Variants in PPFIA1 observed in about 807,000 individuals in gnomAD.
The protein encoded by PPFIA1 is PPFI scaffold protein A1.
A neutral mutation model predicts 149.9 loss-of-function variants in PPFIA1; 25 were observed. That is an observed-to-expected ratio of 0.17 (90% confidence interval 0.12 to 0.23). The LOEUF (loss-of-function observed/expected upper bound fraction) is 0.23. Among genes scored for constraint, PPFIA1 ranks in the 10% least tolerant of loss-of-function variants. The pLI is 1.00. For missense variants in PPFIA1, 1,362 were observed against 1,506.5 expected (o/e 0.90, Z 1.59); for synonymous variants, 549 against 552.8 (o/e 0.99, Z 0.10).
In PPFIA1 at chr11:70,348,407, G is replaced by T; in HGVS notation, c.2150G>T (p.Gly717Val). The change falls in exon 16 of 28, where the codon GGC (glycine) becomes GTC (valine). Residue 717 changes from glycine to valine, a missense_variant. By Grantham distance (109) the Gly-to-Val change is moderately radical (BLOSUM62 -3). Coordinates refer to ENST00000253925, the MANE Select transcript of PPFIA1 (RefSeq NM_003626.5). Reference sequence around the variant, plus strand: ...CCAGCTCGGGAAGTGGACAGACTGGGCGTCATGACCCTTGTACGTATCCGC... The same window carrying T: ...CCAGCTCGGGAAGTGGACAGACTGGTCGTCATGACCCTTGTACGTATCCGC... ...HSPAREVDRLGVMTLLPPSRE... is the reference protein window; with the variant it reads ...HSPAREVDRLVVMTLLPPSRE... The T allele has an allele frequency of 6.2e-7, 1 of 1,609,944 alleles. No homozygotes were observed. Among genetic ancestry groups the T allele is most frequent in the Non-Finnish European group, 8.5e-7 (1 of 1,176,208 alleles).
intron 2 of PPFIA1, among the ~76,000 whole-genome samples, chr11:70,312,527 TC>T (rs1255264769): frequency 2.6e-4 from 39 of 152,064 alleles, no homozygotes; most frequent in African/African-American, 8.7e-4. Context: ...ACTTCCTGGT[TC>T]CCCCTACAGG....
At chr11:70,319,045 A>G (rs2053789316) in intron 2 of PPFIA1, among the ~76,000 whole-genome samples, 1 of 152,256 alleles carries the variant, frequency 6.6e-6, no homozygotes, top group Non-Finnish European at 1.5e-5. Context: ...CAACTGTCTA[A>G]TAACCATTTC....
chr11:70,303,051 G>A (rs1432354995), intron 2 of PPFIA1, among the ~76,000 whole-genome samples: 1 of 152,174 alleles, frequency 6.6e-6, no homozygotes, highest in Admixed American at 6.5e-5. Flanking sequence ...AAGGAAAGTG[G>A]CAGCCCAGTT....
At chr11:70,272,059 T>G (rs984049467) in intron 1 of PPFIA1, 114 bp from the exon 2 acceptor site, 1 of 1,167,406 alleles carries the variant, frequency 8.6e-7, no homozygotes, top group African/African-American at 1.6e-5. Flanking sequence ...GCATAACAGA[T>G]CTGAGCATAA....
chr11:70,373,887 C>T (rs1362192153), intron 23 of PPFIA1: 1 of 152,098 alleles, frequency 6.6e-6, no homozygotes. Flanking sequence ...TATGTATGGA[C>T]TTTTATCCAG....
chr11:70,348,228 A>G lies in PPFIA1; in HGVS notation c.1971A>G (p.Ala657=), dbSNP rs150848472. Residue 657 remains alanine, a synonymous_variant, in exon 16 of 28, where the codon GCA becomes GCG. Transcript: ENST00000253925. The part of the protein sequence containing the change: ...QEEKENTEQR[A]EEIESRVGSG... The stretch of plus-strand genomic sequence containing the variant: ...AAAAAGAAAATACAGAGCAGCGGGC[A>G]GAGGAGATTGAAAGTCGAGTTGGCA... 3,347 of 1,614,224 alleles carry G rather than the reference A, an allele frequency of 2.1e-3. 18 individuals are homozygous for G. Among genetic ancestry groups the G allele is most frequent in the Middle Eastern group, 0.011 (68 of 6,062 alleles).
At chr11:70,273,022 A>G (rs2050182379) in intron 2 of PPFIA1, among the ~76,000 whole-genome samples, 1 of 152,252 alleles carries the variant, frequency 6.6e-6, no homozygotes, top group East Asian at 1.9e-4. Flanking sequence ...TCATGCCTGT[A>G]ATCCCAGCAC....
Position 70,343,802 on chromosome 11 carries a change from T to C in PPFIA1, c.1841T>C (p.Val614Ala). 1 of 1,614,208 alleles carries C rather than the reference T, an allele frequency of 6.2e-7. No individual in the cohort carries two copies. The highest frequency in any genetic ancestry group is 2.2e-5 in the East Asian group (1 of 44,874). The change falls in exon 15 of 28, where the codon GTT (valine) becomes GCT (alanine). Residue 614 changes from valine to alanine, a missense_variant. Coordinates refer to ENST00000253925, the MANE Select transcript of PPFIA1 (RefSeq NM_003626.5). ...EDDRDTLLSS[V>A]DLLSPSGQAD... ...GACAGGGACACTCTCCTCAGCTCAG[T>C]TGACCTGCTATCGCCCAGCGGGCAG...
rs566717525 is a variant in PPFIA1, at chr11:70,306,319, T to C, written c.265-18083T>C. Among the ~76,000 whole-genome samples the C allele has an allele frequency of 5.9e-5, 9 of 152,326 alleles. No homozygotes were observed. In the East Asian group the frequency reaches 1.3e-3, roughly 23 times the overall value. On this transcript the variant is annotated intron_variant, in intron 2 of 27. Transcript: ENST00000253925. ...AACATTGATTAAATACACTGTAATT[T>C]ATAACATTAAAAACATTGATAGTTA...
chr11:70,298,893 TAC>T (rs1274783611), intron 2 of PPFIA1, among the ~76,000 whole-genome samples: 2 of 152,222 alleles, frequency 1.3e-5, no homozygotes, highest in African/African-American at 4.8e-5. Context: ...AGTGTCTAGA[TAC>T]AGTTATTCTG....
intron 2 of PPFIA1, chr11:70,279,143 A>G: frequency 1.8e-6 from 1 of 548,566 alleles, no homozygotes; most frequent in Non-Finnish European, 3.4e-6. Context: ...TGCTATTCAC[A>G]GCGGCAGTCG....
intron 11 of PPFIA1, 40 bp from the exon 12 acceptor site, chr11:70,337,325 A>G: frequency 7.1e-7 from 1 of 1,412,186 alleles, no homozygotes; most frequent in Non-Finnish European, 9.7e-7. Context: ...TAAATGGGAC[A>G]TTTTAAAGAA....
intron 2 of PPFIA1, among the ~76,000 whole-genome samples, chr11:70,286,531 G>T (rs1213375131): frequency 6.6e-6 from 1 of 152,074 alleles, no homozygotes; most frequent in South Asian, 2.1e-4. Flanking sequence ...GATTACAGGC[G>T]TGAGCCACTG....
intron 17 of PPFIA1, among the ~76,000 whole-genome samples, 163 bp from the exon 18 acceptor site, chr11:70,355,476 C>T (rs111903199): frequency 6.6e-6 from 1 of 152,138 alleles, no homozygotes; most frequent in African/African-American, 2.4e-5. Context: ...AATGGGTCTC[C>T]GCGCTGGCCT....
chr11:70,355,528 G>A lies in PPFIA1; in HGVS notation c.2316-111G>A. On this transcript the variant is annotated intron_variant, in intron 17 of 27. Coordinates refer to ENST00000253925, the MANE Select transcript of PPFIA1 (RefSeq NM_003626.5). ...TTATCATGCATGATGCACTTGGTGA[G>A]GAAGATGTGTGTGAAAGAGACTGGA... is the stretch of plus-strand genomic sequence containing the variant. 5.7e-6 allele frequency: 6 copies of A among 1,047,254 alleles called. No individual in the cohort carries two copies. The South Asian group carries it at 6.8e-5, about 12-fold the overall frequency. The allele number at this position is 1,047,254 out of a possible 1,614,324, so 64.9% of individuals were successfully genotyped here.
At chr11:70,346,226 G>C (rs1010375760) in intron 15 of PPFIA1, among the ~76,000 whole-genome samples, 4 of 152,142 alleles carry the variant, frequency 2.6e-5, no homozygotes, top group African/African-American at 9.7e-5. Context: ...CTCGGGCCCT[G>C]GCCTGACGTG....
chr11:70,383,670 T>C lies in PPFIA1; in HGVS notation c.*680T>C, dbSNP rs146011056. The C allele has an allele frequency of 8.2e-4, 126 of 153,664 alleles. 1 individual carries two copies. Among genetic ancestry groups the C allele is most frequent in the African/African-American group, 2.6e-3 (107 of 41,600 alleles). The allele number at this position is 153,664 out of a possible 1,614,324, so 9.5% of individuals were successfully genotyped here. On this transcript the variant is annotated 3_prime_UTR_variant, in exon 28 of 28. Coordinates refer to ENST00000253925, the MANE Select transcript of PPFIA1 (RefSeq NM_003626.5). ...GACTGAAAACACTATCACAACACTA[T>C]GAGAAGCCCCTAGCACTGGTTAACG...
intron 7 of PPFIA1, among the ~76,000 whole-genome samples, chr11:70,327,931 A>G (rs2054419757): frequency 6.6e-6 from 1 of 152,162 alleles, no homozygotes; most frequent in African/African-American, 2.4e-5. Flanking sequence ...ACGTTGAGTA[A>G]TTTCATGTAG....
chr11:70,300,092 A>G (rs1460072508), intron 2 of PPFIA1, among the ~76,000 whole-genome samples: 2 of 148,934 alleles, frequency 1.3e-5, no homozygotes, highest in Non-Finnish European at 3.0e-5. Context: ...AGTGCCAGCC[A>G]TGCCCTCTGC....
Sources: allele counts gnomAD v4.1 joint callset (sites outside exome capture counted in the v4.1 genomes callset), GRCh38; gene constraint gnomAD v4.1.1; transcripts MANE v1.5; gene names NCBI Gene and HGNC (gene_info 2026-07-23, HGNC 2026-07-21).